The following SLC4A10 variants were observed in gnomAD, a reference collection of about 807,000 sequenced individuals.
The protein encoded by SLC4A10 is solute carrier family 4 member 10.
In SLC4A10, 42 loss-of-function variants were observed where a neutral mutation model predicts 137.7. The observed-to-expected ratio is 0.30, with a 90% CI of 0.24 to 0.39. The LOEUF is 0.39. Among genes scored for constraint, SLC4A10 ranks in the 10% least tolerant of loss-of-function variants. SLC4A10 has a pLI of 1.00. For synonymous variants in SLC4A10, 474 were observed against 464.1 expected (o/e 1.02, Z -0.27); for missense variants, 925 against 1,355.0 (o/e 0.68, Z 4.98).
intron 3 of SLC4A10, among the ~76,000 whole-genome samples, chr2:161,826,590 G>A (rs1018367343): frequency 6.6e-6 from 1 of 152,152 alleles, no homozygotes; most frequent in African/African-American, 2.4e-5. Context: ...TTAAGCCCTG[G>A]TTAATTAGTA....
chr2:161,828,808 A>ATATATATATATG (rs1221709021), intron 3 of SLC4A10, among the ~76,000 whole-genome samples: 1 of 122,530 alleles, frequency 8.2e-6, no homozygotes, highest in African/African-American at 3.1e-5. Flanking sequence ...ATATATATAT[A>ATATATATATATG]TGTATAATCT....
intron 1 of SLC4A10, among the ~76,000 whole-genome samples, chr2:161,758,648 T>C (rs1251376721): frequency 6.6e-6 from 1 of 152,012 alleles, no homozygotes; most frequent in East Asian, 1.9e-4. Flanking sequence ...GGCTGAACAC[T>C]GTGTAGTATT....
At chr2:161,643,318 G>A (rs1021300466) in intron 1 of SLC4A10, among the ~76,000 whole-genome samples, 3 of 152,048 alleles carry the variant, frequency 2.0e-5, no homozygotes. Context: ...TTGGATATTA[G>A]CATTTGAAAA....
intron 3 of SLC4A10, among the ~76,000 whole-genome samples, chr2:161,814,207 C>T (rs1018062479): frequency 3.9e-5 from 6 of 152,026 alleles, no homozygotes; most frequent in Admixed American, 6.6e-5. Flanking sequence ...CAGAGAAATG[C>T]AAACCAAAAC....
chr2:161,767,705 T>C (rs1019484318), intron 1 of SLC4A10, among the ~76,000 whole-genome samples: 4 of 152,046 alleles, frequency 2.6e-5, no homozygotes, highest in Admixed American at 6.6e-5. Flanking sequence ...AAAAAGGCCC[T>C]GATAATGTCA....
intron 1 of SLC4A10, among the ~76,000 whole-genome samples, chr2:161,709,220 C>T (rs1421098190): frequency 4.0e-5 from 6 of 151,518 alleles, no homozygotes; most frequent in Non-Finnish European, 5.9e-5. Flanking sequence ...GATAAGGATA[C>T]ATCGTAGCTA....
chr2:161,881,207 C>T (rs1397745556), intron 9 of SLC4A10, among the ~76,000 whole-genome samples: 1 of 151,898 alleles, frequency 6.6e-6, no homozygotes, highest in African/African-American at 2.4e-5. Flanking sequence ...GTAGAAAGGT[C>T]AGAAAATAAT....
intron 12 of SLC4A10, among the ~76,000 whole-genome samples, chr2:161,902,329 T>G (rs1683308193): frequency 6.6e-6 from 1 of 152,192 alleles, no homozygotes; most frequent in Non-Finnish European, 1.5e-5. Context: ...AATTACTAAT[T>G]AATAGCTCAT....
intron 6 of SLC4A10, among the ~76,000 whole-genome samples, chr2:161,864,829 A>G (rs141299157): frequency 6.6e-6 from 1 of 152,266 alleles, no homozygotes; most frequent in East Asian, 1.9e-4. Context: ...TAAGAGATGT[A>G]TTACAAATGC....
At chr2:161,977,436 G>C in intron 25 of SLC4A10, 1 of 490,838 alleles carries the variant, frequency 2.0e-6, no homozygotes, top group Non-Finnish European at 3.8e-6. Context: ...GTGGATGGTA[G>C]TTTTAAGTGC....
At chr2:161,674,629 A>G (rs2040089694) in intron 1 of SLC4A10, among the ~76,000 whole-genome samples, 1 of 152,174 alleles carries the variant, frequency 6.6e-6, no homozygotes. Context: ...TCATAATATG[A>G]TTGGAAATCG....
chr2:161,904,676 A>G, intron 13 of SLC4A10, 100 bp from the exon 14 acceptor site: 5 of 1,421,996 alleles, frequency 3.5e-6, no homozygotes, highest in Non-Finnish European at 4.7e-6. Context: ...TTTCAGGGTG[A>G]AGCACAAAGC....
intron 1 of SLC4A10, among the ~76,000 whole-genome samples, chr2:161,625,413 AG>A (rs2032120705): frequency 6.6e-6 from 1 of 151,820 alleles, no homozygotes; most frequent in Non-Finnish European, 1.5e-5. Flanking sequence ...TAAGGAAAAA[AG>A]AAAAAAAAAA....
At chr2:161,741,021 T>C (rs186955966) in intron 1 of SLC4A10, among the ~76,000 whole-genome samples, 2 of 152,224 alleles carry the variant, frequency 1.3e-5, no homozygotes, top group African/African-American at 4.8e-5. Flanking sequence ...GGCTCACACC[T>C]GTAATCCTTG....
At chr2:161,961,190 G>A (rs76916685) in intron 21 of SLC4A10, among the ~76,000 whole-genome samples, 2,010 of 152,248 alleles carry the variant, frequency 0.013, 40 homozygotes, top group East Asian at 0.099. Context: ...CAGGCAGCAC[G>A]GGATCTCTGT....
intron 1 of SLC4A10, among the ~76,000 whole-genome samples, chr2:161,646,211 G>A (rs760045324): frequency 3.2e-4 from 49 of 152,016 alleles, no homozygotes; most frequent in Non-Finnish European, 1.6e-4. Flanking sequence ...TTCAGAATCA[G>A]GCTAGAGATG....
chr2:161,706,308 G>T (rs990285063), intron 1 of SLC4A10, among the ~76,000 whole-genome samples: 3 of 151,516 alleles, frequency 2.0e-5, no homozygotes, highest in African/African-American at 7.3e-5. Context: ...TGAAGGAAAA[G>T]TTCAATTTTC....
chr2:161,856,835 A>G (rs906707174), intron 5 of SLC4A10, among the ~76,000 whole-genome samples: 2 of 152,198 alleles, frequency 1.3e-5, no homozygotes, highest in African/African-American at 4.8e-5. Flanking sequence ...AAAGAAAAAA[A>G]CTAAGATTTA....
intron 3 of SLC4A10, among the ~76,000 whole-genome samples, chr2:161,833,380 G>A (rs1335251144): frequency 6.6e-6 from 1 of 152,150 alleles, no homozygotes; most frequent in Non-Finnish European, 1.5e-5. Context: ...AAATCAAGGG[G>A]AAACTATAGA....
Sources: gnomAD v4.1 joint callset for allele counts (sites outside exome capture counted in the v4.1 genomes callset) on GRCh38, gnomAD v4.1.1 for gene constraint, MANE v1.5 for transcripts, NCBI Gene and HGNC (gene_info 2026-07-23, HGNC 2026-07-21) for gene names.